PCDHGA7: variants seen among roughly 807,000 people sequenced by gnomAD.
PCDHGA7 encodes the protein protocadherin gamma-A7.
A neutral mutation model predicts 58.3 loss-of-function variants in PCDHGA7; 44 were observed. The ratio of observed to expected loss-of-function variants is 0.75; its 90% CI spans 0.59 to 0.97. The LOEUF (loss-of-function observed/expected upper bound fraction) is 0.97, where lower values mean the gene tolerates loss of function less well. Among genes scored for constraint, PCDHGA7 ranks in the 50% least tolerant of loss-of-function variants. The probability of loss-of-function intolerance (pLI) is 0.00; values close to 1 mark genes in which losing one functional copy is unlikely to be tolerated. For synonymous variants in PCDHGA7, 516 were observed against 504.2 expected (o/e 1.02, Z -0.31); for missense variants, 1,266 against 1,188.7 (o/e 1.06, Z -0.96).
intron 1 of PCDHGA7, chr5:141,404,379 C>T (rs548569433): frequency 6.2e-7 from 1 of 1,613,940 alleles, no homozygotes; most frequent in African/African-American, 1.3e-5. Flanking sequence ...TCCGTGATTG[C>T]CTATGACCCT....
intron 1 of PCDHGA7, among the ~76,000 whole-genome samples, chr5:141,451,134 T>C (rs567790185): frequency 9.9e-5 from 15 of 152,254 alleles, no homozygotes; most frequent in African/African-American, 3.6e-4. Context: ...AGCCTTATGA[T>C]TGTATTTAGA....
chr5:141,409,613 A>G lies in PCDHGA7; in HGVS notation c.2424+24290A>G, dbSNP rs370495173. On this transcript the variant is annotated intron_variant, in intron 1 of 3. Coordinates refer to ENST00000518325, the MANE Select transcript of PCDHGA7 (RefSeq NM_018920.4). Reference sequence around the variant, plus strand: ...CGAGAACAACCCGCCAGGAGCCTCCATTGCGCAAGTGAGCGCCTCTGACCC... The same window carrying G: ...CGAGAACAACCCGCCAGGAGCCTCCGTTGCGCAAGTGAGCGCCTCTGACCC... The G allele has an allele frequency of 8.4e-5, 136 of 1,613,856 alleles. No individual in the cohort carries two copies. Among genetic ancestry groups the G allele is most frequent in the Middle Eastern group, 8.2e-4 (5 of 6,062 alleles).
In PCDHGA7 at chr5:141,485,068, T is replaced by C; in HGVS notation, c.2425-9739T>C. On this transcript the variant is annotated intron_variant, in intron 1 of 3. Transcript: ENST00000518325. The surrounding 1 kb of genome is among the most constrained non-coding windows in gnomAD (Gnocchi z 5.7). ...GGCGCCGGCCGAACCGCGCCAGAGCTGGCGCGGGGAAAGGGAGATAGGTGT... is the reference window on the plus strand; with the variant it reads ...GGCGCCGGCCGAACCGCGCCAGAGCCGGCGCGGGGAAAGGGAGATAGGTGT... 1 of 896,972 alleles carries C rather than the reference T, an allele frequency of 1.1e-6. No homozygotes were observed. The highest frequency in any genetic ancestry group is 1.6e-5 in the South Asian group (1 of 61,812). The allele number at this position is 896,972 out of a possible 1,614,324, so 55.6% of individuals were successfully genotyped here. A position where few individuals can be genotyped will look rare whatever the true frequency, so the allele number is the denominator to read the frequency against.
chr5:141,470,023 G>A (rs1258101057), intron 1 of PCDHGA7, among the ~76,000 whole-genome samples: 1 of 152,110 alleles, frequency 6.6e-6, no homozygotes, highest in Admixed American at 6.6e-5. Context: ...CAGCTACTCG[G>A]GATGCTGAGG....
intron 1 of PCDHGA7, chr5:141,415,055 C>T (rs767474996): frequency 6.2e-7 from 1 of 1,613,400 alleles, no homozygotes; most frequent in African/African-American, 1.3e-5. Flanking sequence ...GGGGAGCACA[C>T]GGGCGAGGTG....
chr5:141,384,147 T>A lies in PCDHGA7; in HGVS notation c.1248T>A (p.Ser416=). Reference sequence around the variant, plus strand: ...AAAACTTGGACCGGGAAACACTCTCTTTGTATAACATCACACTGAAAGCCA... The same window carrying A: ...AAAACTTGGACCGGGAAACACTCTCATTGTATAACATCACACTGAAAGCCA... ...TTKNLDRETL[S]LYNITLKATD... The change falls in exon 1 of 4, where the codon TCT becomes TCA. Residue 416 remains serine (S), a synonymous_variant. Coordinates refer to ENST00000518325, the MANE Select transcript of PCDHGA7 (RefSeq NM_018920.4). 1 of 1,613,270 alleles carries A rather than the reference T, an allele frequency of 6.2e-7. No homozygotes were observed. Among genetic ancestry groups the A allele is most frequent in the Non-Finnish European group, 8.5e-7 (1 of 1,179,586 alleles).
chr5:141,422,883 C>A, intron 1 of PCDHGA7: 1 of 1,614,242 alleles, frequency 6.2e-7, no homozygotes, highest in Non-Finnish European at 8.5e-7. Flanking sequence ...TGAGCCTGTT[C>A]GTGCTGGACC....
In PCDHGA7 at chr5:141,384,649, C is replaced by A. The variant is rs778822731; in HGVS notation, c.1750C>A (p.Pro584Thr). ...GMELAPRSAE[P>T]GYLVTKVVAV... ...GGAGCTGGCACCCCGCTCCGCAGAG[C>A]CCGGCTACCTGGTGACCAAGGTGGT... Residue 584 changes from proline (P) to threonine (T), a missense_variant, in exon 1 of 4, where the codon CCC becomes ACC. Physicochemically the swap from Pro to Thr is conservative, Grantham distance 38 (BLOSUM62 -1). Coordinates refer to ENST00000518325, the MANE Select transcript of PCDHGA7 (RefSeq NM_018920.4). The A allele has an allele frequency of 1.2e-6, 2 of 1,614,232 alleles. No individual in the cohort carries two copies. Among genetic ancestry groups the A allele is most frequent in the South Asian group, 1.1e-5 (1 of 91,082 alleles).
intron 1 of PCDHGA7, among the ~76,000 whole-genome samples, chr5:141,471,855 G>A (rs955016680): frequency 3.3e-5 from 5 of 152,108 alleles, no homozygotes; most frequent in Non-Finnish European, 7.4e-5. Context: ...TTCAGAAAAA[G>A]CAAAACTGTG....
Position 141,418,471 on chromosome 5 carries a change from G to T in PCDHGA7, c.2424+33148G>T, listed in dbSNP as rs199547102. 57 of 1,614,002 alleles carry T rather than the reference G, an allele frequency of 3.5e-5. No homozygotes were observed. In the African/African-American group the frequency reaches 5.7e-4, roughly 16 times the overall value. ...TGCAGAAGACTCTGGACCGAGAAACGCAGAGCGCTCACCACTTGGTACTGA... is the reference window on the plus strand; with the variant it reads ...TGCAGAAGACTCTGGACCGAGAAACTCAGAGCGCTCACCACTTGGTACTGA... On this transcript the variant is annotated intron_variant, in intron 1 of 3. Coordinates refer to ENST00000518325, the MANE Select transcript of PCDHGA7 (RefSeq NM_018920.4).
intron 1 of PCDHGA7, chr5:141,412,940 T>G: frequency 2.2e-6 from 1 of 463,218 alleles, no homozygotes; most frequent in Non-Finnish European, 3.8e-6. Context: ...CTTAGGACTC[T>G]GAGCGCCGCT....
Position 141,383,584 on chromosome 5 carries a change from C to T in PCDHGA7, c.685C>T (p.Gln229Ter). The change falls in exon 1 of 4, where the codon CAG becomes TAG. Residue 229 changes from glutamine to a stop codon, truncating the protein, a stop_gained. Transcript: ENST00000518325. LOFTEE classifies it high-confidence loss of function. ...GCCCCGATCCAGCACCGCCCACATC[C>T]AGGTGACAGTGGTGGATGTGAATGA... ...DPPRSSTAHI[Q>*]VTVVDVNDHT... 2 of 1,613,678 alleles carry T rather than the reference C, an allele frequency of 1.2e-6. No individual in the cohort carries two copies. The highest frequency in any genetic ancestry group is 1.7e-6 in the Non-Finnish European group (2 of 1,179,858).
At chr5:141,419,747 C>T (rs1322393151) in intron 1 of PCDHGA7, 3 of 1,613,840 alleles carry the variant, frequency 1.9e-6, no homozygotes, top group Admixed American at 1.7e-5. Context: ...GCGCATGGTG[C>T]GTGCTTTGGG....
intron 1 of PCDHGA7, chr5:141,410,848 T>TA: frequency 1.9e-5 from 7 of 365,918 alleles, no homozygotes; most frequent in Non-Finnish European, 3.2e-5. Context: ...TTTGTCTTTG[T>TA]CTTTTTTTTT....
intron 1 of PCDHGA7, among the ~76,000 whole-genome samples, chr5:141,464,440 T>C (rs566597587): frequency 6.6e-6 from 1 of 151,608 alleles, no homozygotes; most frequent in South Asian, 2.1e-4. Context: ...TATATGTTTG[T>C]TGTTGTTGTT....
chr5:141,439,673 C>G (rs1468476569), intron 1 of PCDHGA7, among the ~76,000 whole-genome samples: 1 of 152,174 alleles, frequency 6.6e-6, no homozygotes, highest in Non-Finnish European at 1.5e-5. Flanking sequence ...AATGCAAATC[C>G]AAGAGCAGAC....
Position 141,388,371 on chromosome 5 carries a change from G to C in PCDHGA7, c.2424+3048G>C, listed in dbSNP as rs757960562. ...AGGATCTGCCCATGATGCGGATATT[G>C]GTAGCAACACACTGCAGAATTACCA... On this transcript the variant is annotated intron_variant, in intron 1 of 3. Transcript: ENST00000518325. 3.8e-5 allele frequency: 61 copies of C among 1,613,854 alleles called. No homozygotes were observed. In the South Asian group the frequency reaches 6.1e-4, roughly 16 times the overall value.
At chr5:141,388,686 G>A (rs1196254559) in intron 1 of PCDHGA7, 5 of 1,613,980 alleles carry the variant, frequency 3.1e-6, no homozygotes, top group Non-Finnish European at 4.2e-6. Context: ...GACTGCCACG[G>A]ACCAGGATGA....
At chr5:141,405,047 G>T (rs754907464) in intron 1 of PCDHGA7, 1 of 1,613,944 alleles carries the variant, frequency 6.2e-7, no homozygotes, top group Non-Finnish European at 8.5e-7. Flanking sequence ...GGCTGTGGCA[G>T]TCGTCTCCTG....
Sources: gnomAD v4.1 joint callset for allele counts (sites outside exome capture counted in the v4.1 genomes callset) on GRCh38, gnomAD v4.1.1 for gene constraint, Gnocchi (gnomAD v3.1) non-coding constraint, MANE v1.5 for transcripts, NCBI Gene and HGNC (gene_info 2026-07-23, HGNC 2026-07-21) for gene names.